The following GALNT13 variants were observed in gnomAD, a reference collection of about 807,000 sequenced individuals.
GALNT13 encodes the protein polypeptide N-acetylgalactosaminyltransferase 13.
Under a neutral mutation model 64.2 loss-of-function variants are expected in GALNT13, and 28 were observed. The ratio of observed to expected loss-of-function variants is 0.44; its 90% CI spans 0.32 to 0.60. GALNT13 has a LOEUF of 0.60. GALNT13 is among the 20% of genes least tolerant of loss of function. The pLI is 0.05. For missense variants in GALNT13, 577 were observed against 669.8 expected (o/e 0.86, Z 1.53); for synonymous variants, 214 against 224.6 (o/e 0.95, Z 0.42).
the GALNT13 span, among the ~76,000 whole-genome samples, chr2:153,701,665 G>A: frequency 6.6e-6 from 1 of 152,226 alleles, no homozygotes; most frequent in Non-Finnish European, 1.5e-5. Flanking sequence ...ATCGAAAAAT[G>A]GGCAAAGGAT....
At chr2:153,107,151 A>C in the GALNT13 span, among the ~76,000 whole-genome samples, 1 of 152,172 alleles carries the variant, frequency 6.6e-6, no homozygotes. Context: ...ATAAAGTTCC[A>C]TATAAAGAAA....
intron 3 of GALNT13, among the ~76,000 whole-genome samples, chr2:154,138,161 T>C (rs1053012038): frequency 6.6e-6 from 1 of 152,106 alleles, no homozygotes; most frequent in Non-Finnish European, 1.5e-5. Flanking sequence ...AAATCTCCTT[T>C]GTATTATCAC....
chr2:153,989,702 A>G (rs1695034947), intron 3 of GALNT13, among the ~76,000 whole-genome samples: 3 of 152,072 alleles, frequency 2.0e-5, no homozygotes, highest in Non-Finnish European at 4.4e-5. Flanking sequence ...ATTTATGCAC[A>G]CTACAAAATA....
chr2:154,023,385 G>A (rs533027394), intron 3 of GALNT13, among the ~76,000 whole-genome samples: 18 of 152,304 alleles, frequency 1.2e-4, no homozygotes, highest in African/African-American at 4.3e-4. Context: ...CCTGTATTGG[G>A]TATATGTATA....
chr2:154,094,319 G>A (rs1047336981), intron 3 of GALNT13, among the ~76,000 whole-genome samples: 1 of 151,794 alleles, frequency 6.6e-6, no homozygotes, highest in Admixed American at 6.6e-5. Context: ...CACCTCTCAG[G>A]TTGCTTGCTC....
In GALNT13 at chr2:154,184,895, C is replaced by T. The variant is rs918611581; in HGVS notation, c.311+44390C>T. Among the ~76,000 whole-genome samples, 16 of 151,842 alleles carry T rather than the reference C, an allele frequency of 1.1e-4. 1 individual carries two copies. The highest frequency in any genetic ancestry group is 8.5e-4 in the Admixed American group (13 of 15,238). ...TTAGAATTAAAAGTGATTTATATAC[C>T]ACCATTAGAGTATTAGAATTTTCTT... On this transcript the variant is annotated intron_variant, in intron 4 of 12. Coordinates refer to ENST00000392825, the MANE Select transcript of GALNT13 (RefSeq NM_052917.4).
At chr2:154,078,687 T>A (rs1701114327) in intron 3 of GALNT13, among the ~76,000 whole-genome samples, 1 of 151,622 alleles carries the variant, frequency 6.6e-6, no homozygotes, top group African/African-American at 2.4e-5. Flanking sequence ...AATTTCCTTT[T>A]TTTCTATCTT....
intron 3 of GALNT13, among the ~76,000 whole-genome samples, chr2:153,970,894 A>G (rs1693692061): frequency 6.6e-6 from 1 of 152,216 alleles, no homozygotes; most frequent in Non-Finnish European, 1.5e-5. Flanking sequence ...GACTTAAGTC[A>G]GATCATGCCA....
chr2:154,013,431 G>C (rs537227857), intron 3 of GALNT13, among the ~76,000 whole-genome samples: 1 of 152,068 alleles, frequency 6.6e-6, no homozygotes, highest in African/African-American at 2.4e-5. Flanking sequence ...TGGCTGAAGC[G>C]CTTCGTAGGG....
At chr2:154,197,446 A>G (rs1252285114) in intron 4 of GALNT13, among the ~76,000 whole-genome samples, 1 of 152,148 alleles carries the variant, frequency 6.6e-6, no homozygotes, top group Admixed American at 6.5e-5. Context: ...AACTGAGCTC[A>G]TAAAGTTGAC....
intron 2 of GALNT13, among the ~76,000 whole-genome samples, chr2:153,924,627 A>G (rs1277655647): frequency 6.6e-6 from 1 of 152,180 alleles, no homozygotes; most frequent in Non-Finnish European, 1.5e-5. Flanking sequence ...GTCTTTGAGG[A>G]ATTGCCATAC....
chr2:154,037,135 T>C (rs1300666858), intron 3 of GALNT13, among the ~76,000 whole-genome samples: 1 of 152,168 alleles, frequency 6.6e-6, no homozygotes, highest in African/African-American at 2.4e-5. Flanking sequence ...AATGCAATCT[T>C]CATTATAATG....
At chr2:153,402,186 A>C in the GALNT13 span, among the ~76,000 whole-genome samples, 1 of 148,504 alleles carries the variant, frequency 6.7e-6, no homozygotes, top group Admixed American at 6.7e-5. Context: ...TTCACTTATG[A>C]AGCTTAGTTT....
the GALNT13 span, among the ~76,000 whole-genome samples, chr2:153,195,819 A>G: frequency 0.68 from 104,068 of 152,084 alleles, 35,789 homozygotes; most frequent in East Asian, 0.83. Context: ...TGAGCAAGAC[A>G]AAGAGGAGCT....
At chr2:153,194,290 G>T in the GALNT13 span, among the ~76,000 whole-genome samples, 24,533 of 151,778 alleles carry the variant, frequency 0.16, 2,109 homozygotes, top group African/African-American at 0.18. Flanking sequence ...TATTTTTTAT[G>T]CTTTTTTGTC....
At chr2:153,091,958 G>C in the GALNT13 span, among the ~76,000 whole-genome samples, 1 of 152,152 alleles carries the variant, frequency 6.6e-6, no homozygotes, top group Non-Finnish European at 1.5e-5. Flanking sequence ...TTTTCTGATA[G>C]TAGTTTTATA....
chr2:154,023,850 G>A (rs1697729084), intron 3 of GALNT13, among the ~76,000 whole-genome samples: 2 of 152,182 alleles, frequency 1.3e-5, no homozygotes, highest in Admixed American at 1.3e-4. Flanking sequence ...TCCTTTCCAT[G>A]TTTAGTGCTT....
chr2:153,626,984 G>GT, the GALNT13 span, among the ~76,000 whole-genome samples: 3 of 152,094 alleles, frequency 2.0e-5, no homozygotes, highest in Non-Finnish European at 2.9e-5. Context: ...AATGCACATG[G>GT]TAAGAGGAAA....
At chr2:153,319,680 A>G in the GALNT13 span, among the ~76,000 whole-genome samples, 1 of 152,238 alleles carries the variant, frequency 6.6e-6, no homozygotes, top group African/African-American at 2.4e-5. Context: ...GAAGATGTCT[A>G]TAAAAGCCAT....
Sources: gnomAD v4.1 joint callset for allele counts (sites outside exome capture counted in the v4.1 genomes callset) on GRCh38, gnomAD v4.1.1 for gene constraint, MANE v1.5 for transcripts, NCBI Gene and HGNC (gene_info 2026-07-23, HGNC 2026-07-21) for gene names.